The following CDH12 variants were observed in gnomAD, a reference collection of about 807,000 sequenced individuals.
CDH12 encodes cadherin-12.
A neutral mutation model predicts 74.1 loss-of-function variants in CDH12; 41 were observed. The ratio of observed to expected loss-of-function variants is 0.55; its 90% confidence interval spans 0.43 to 0.72. CDH12 has a LOEUF of 0.72. Among genes scored for constraint, CDH12 ranks in the 30% least tolerant of loss-of-function variants. The pLI, the probability that CDH12 is intolerant of heterozygous loss-of-function variation, is 0.00. For missense variants in CDH12, 945 were observed against 977.2 expected (o/e 0.97, Z 0.44); for synonymous variants, 399 against 355.0 (o/e 1.12, Z -1.39).
At chr5:21,774,995 TC>T (rs1745508647) in intron 11 of CDH12, among the ~76,000 whole-genome samples, 1 of 152,138 alleles carries the variant, frequency 6.6e-6, no homozygotes, top group Non-Finnish European at 1.5e-5. Flanking sequence ...TTGGCAGTAC[TC>T]CCAGAAAGTC....
At chr5:21,892,782 G>T (rs906587683) in intron 6 of CDH12, among the ~76,000 whole-genome samples, 6 of 152,008 alleles carry the variant, frequency 3.9e-5, no homozygotes, top group Non-Finnish European at 7.4e-5. Flanking sequence ...TGCCTGATTT[G>T]GTTTCAGGAA....
chr5:22,180,605 C>G (rs4438844), intron 4 of CDH12, among the ~76,000 whole-genome samples: 1 of 151,900 alleles, frequency 6.6e-6, no homozygotes, highest in Non-Finnish European at 1.5e-5. Context: ...CTCTGCCTCC[C>G]GGGTTTCAAG....
intron 1 of CDH12, among the ~76,000 whole-genome samples, chr5:22,642,327 G>C (rs1257525287): frequency 6.6e-6 from 1 of 152,148 alleles, no homozygotes; most frequent in African/African-American, 2.4e-5. Flanking sequence ...ATTGGCATAA[G>C]GATAAATTAT....
chr5:22,359,791 C>T (rs1331188676), intron 3 of CDH12, among the ~76,000 whole-genome samples: 1 of 152,134 alleles, frequency 6.6e-6, no homozygotes, highest in African/African-American at 2.4e-5. Context: ...CAAAACCACT[C>T]AACTACATGG....
rs1309009422 is a variant in CDH12, at chr5:21,991,649, G to T, written c.232-16264C>A. Among the ~76,000 whole-genome samples the T allele has an allele frequency of 2.0e-5, 3 of 150,276 alleles. No homozygotes were observed. The East Asian group carries it at 5.9e-4, about 29-fold the overall frequency. On this transcript the variant is annotated intron_variant, in intron 5 of 14. Transcript: ENST00000382254. ...CAGTGCCTGCTTATTTTCAAGGGTG[G>T]TTTGAAGGTGACCTATTTTTTGTAG...
At chr5:22,249,072 T>A (rs1425288088) in intron 3 of CDH12, among the ~76,000 whole-genome samples, 1 of 152,176 alleles carries the variant, frequency 6.6e-6, no homozygotes, top group Non-Finnish European at 1.5e-5. Flanking sequence ...CTTTGCAATT[T>A]TTCTGTGAAT....
At chr5:22,795,120 C>T (rs1748123615) in intron 1 of CDH12, among the ~76,000 whole-genome samples, 1 of 152,072 alleles carries the variant, frequency 6.6e-6, no homozygotes, top group Admixed American at 6.6e-5. Context: ...TCAAACAAGG[C>T]TCTTTTGGAA....
At chr5:22,059,664 A>G (rs554818370) in intron 5 of CDH12, among the ~76,000 whole-genome samples, 45 of 152,294 alleles carry the variant, frequency 3.0e-4, no homozygotes, top group African/African-American at 1.0e-3. Flanking sequence ...ATCTCATATT[A>G]TTTATGATAG....
At chr5:22,116,474 G>A (rs886428645) in intron 4 of CDH12, among the ~76,000 whole-genome samples, 3 of 152,102 alleles carry the variant, frequency 2.0e-5, no homozygotes, top group Non-Finnish European at 2.9e-5. Flanking sequence ...GCGTGGTGGC[G>A]CGTGCCTGTA....
chr5:21,755,632 C>T lies in CDH12; in HGVS notation c.1844G>A (p.Gly615Glu). 3.1e-6 allele frequency: 5 copies of T among 1,613,956 alleles called. No homozygotes were observed. Among genetic ancestry groups the T allele is most frequent in the African/African-American group, 1.3e-5 (1 of 75,014 alleles). ...GCATAGTAGAATTGCAATCAACGCC[C>T]CAGTGCTAAGTCCTACAGGTAGAAA... ...AIFLPVGLST[G>E]ALIAILLCIV... The change falls in exon 14 of 15, where the codon GGG becomes GAG. Residue 615 changes from glycine to glutamate, a missense_variant. Coordinates refer to ENST00000382254, the MANE Select transcript of CDH12 (RefSeq NM_004061.5).
At chr5:21,956,000 G>T (rs989925954) in intron 6 of CDH12, among the ~76,000 whole-genome samples, 7 of 151,904 alleles carry the variant, frequency 4.6e-5, no homozygotes, top group African/African-American at 1.7e-4. Context: ...GACACACAAA[G>T]ACTTCAAACA....
intron 5 of CDH12, among the ~76,000 whole-genome samples, chr5:22,009,852 C>T (rs1311099476): frequency 1.4e-5 from 2 of 147,556 alleles, no homozygotes; most frequent in East Asian, 4.0e-4. Flanking sequence ...GTGGCGGTTG[C>T]CTGTAATTCC....
chr5:22,235,946 G>T (rs113188375), intron 3 of CDH12, among the ~76,000 whole-genome samples: 1 of 152,142 alleles, frequency 6.6e-6, no homozygotes, highest in Admixed American at 6.5e-5. Flanking sequence ...TTACAGACAC[G>T]AGCAGCATAT....
chr5:22,130,141 C>T lies in CDH12; in HGVS notation c.-186-51279G>A, dbSNP rs192364860. On this transcript the variant is annotated intron_variant, in intron 4 of 14. Coordinates refer to ENST00000382254, the MANE Select transcript of CDH12 (RefSeq NM_004061.5). ...AAATACTCAAAATAAGTATGCAGAA[C>T]GCATTAGTTTAGATATATTTGAAGA... is the stretch of plus-strand genomic sequence containing the variant. 6.1e-3 allele frequency among the ~76,000 whole-genome samples: 915 copies of T among 149,194 alleles called. 13 individuals are homozygous for T. The highest frequency in any genetic ancestry group is 0.022 in the African/African-American group (873 of 40,492).
chr5:22,511,777 A>T (rs1411580275), intron 1 of CDH12, among the ~76,000 whole-genome samples: 1 of 152,246 alleles, frequency 6.6e-6, no homozygotes. Context: ...TAAGATGTTA[A>T]CTATAGCTTT....
chr5:22,178,513 T>C (rs1749460977), intron 4 of CDH12, among the ~76,000 whole-genome samples: 1 of 152,188 alleles, frequency 6.6e-6, no homozygotes, highest in Non-Finnish European at 1.5e-5. Context: ...TTCATCAATC[T>C]TTGTGTCTTT....
At chr5:21,774,464 C>T (rs1745482638) in intron 11 of CDH12, 1 of 152,104 alleles carries the variant, frequency 6.6e-6, no homozygotes, top group African/African-American at 2.4e-5. Context: ...CTTCCTGGCT[C>T]CTCACCTTGC....
intron 6 of CDH12, among the ~76,000 whole-genome samples, chr5:21,944,262 A>G (rs1405121346): frequency 6.6e-6 from 1 of 152,146 alleles, no homozygotes. Flanking sequence ...TCTCTTCAAT[A>G]TTGGTGTGTA....
chr5:21,780,614 A>C (rs1050996899), intron 11 of CDH12, among the ~76,000 whole-genome samples: 3 of 152,194 alleles, frequency 2.0e-5, no homozygotes, highest in African/African-American at 7.2e-5. Context: ...TTTCTACTGA[A>C]TAATCTTTTA....
Sources: gnomAD v4.1 joint callset for allele counts (sites outside exome capture counted in the v4.1 genomes callset) on GRCh38, gnomAD v4.1.1 for gene constraint, MANE v1.5 for transcripts, NCBI Gene and HGNC (gene_info 2026-07-23, HGNC 2026-07-21) for gene names.